The following RBMS3 variants were observed in gnomAD, a reference collection of about 807,000 sequenced individuals.
The protein encoded by RBMS3 is RNA binding motif single stranded interacting protein 3.
RBMS3 carries 27 observed loss-of-function variants against 66.8 expected under a neutral mutation model. The ratio of observed to expected loss-of-function variants is 0.40; its 90% CI spans 0.30 to 0.56. The LOEUF is 0.56. RBMS3 is among the 20% of genes least tolerant of loss of function. RBMS3 has a pLI of 0.40. For synonymous variants in RBMS3, 188 were observed against 183.0 expected (o/e 1.03, Z -0.22); for missense variants, 513 against 549.5 (o/e 0.93, Z 0.66).
At chr3:29,364,575 A>G (rs1027845381) in intron 1 of RBMS3, among the ~76,000 whole-genome samples, 2 of 152,188 alleles carry the variant, frequency 1.3e-5, no homozygotes, top group African/African-American at 4.8e-5. Context: ...GCAGCAAAAC[A>G]TCATAGATAG....
chr3:29,670,341 C>T (rs768299951), intron 4 of RBMS3, among the ~76,000 whole-genome samples: 32 of 152,266 alleles, frequency 2.1e-4, no homozygotes, highest in Middle Eastern at 3.4e-3. Flanking sequence ...GCATGAGCGA[C>T]GCAGAAGACG....
chr3:29,768,796 C>A (rs1364403903), intron 6 of RBMS3, among the ~76,000 whole-genome samples: 1 of 151,912 alleles, frequency 6.6e-6, no homozygotes, highest in Admixed American at 6.6e-5. Context: ...AGGTTATCTA[C>A]AGTGGTCACA....
chr3:29,895,607 T>C (rs376490936), intron 8 of RBMS3, among the ~76,000 whole-genome samples: 199 of 151,690 alleles, frequency 1.3e-3, no homozygotes, highest in African/African-American at 4.3e-3. Flanking sequence ...TGTTCCATTG[T>C]ATTGATGTGC....
chr3:29,644,739 C>A (rs901612241), intron 4 of RBMS3, among the ~76,000 whole-genome samples: 2 of 152,136 alleles, frequency 1.3e-5, no homozygotes, highest in African/African-American at 2.4e-5. Flanking sequence ...GTATTGATTG[C>A]ACAGGCGAAA....
intron 12 of RBMS3, among the ~76,000 whole-genome samples, chr3:29,972,299 A>T (rs1372597513): frequency 1.3e-5 from 2 of 152,040 alleles, no homozygotes; most frequent in Non-Finnish European, 2.9e-5. Flanking sequence ...ACTCACATGG[A>T]TAGAGTAGTA....
chr3:29,632,256 C>A (rs1317919905), intron 4 of RBMS3, among the ~76,000 whole-genome samples: 1 of 151,746 alleles, frequency 6.6e-6, no homozygotes, highest in Admixed American at 6.6e-5. Context: ...CATTTAAATA[C>A]CCAGTATGAG....
At chr3:29,700,266 A>G (rs937309257) in intron 4 of RBMS3, among the ~76,000 whole-genome samples, 4 of 152,212 alleles carry the variant, frequency 2.6e-5, no homozygotes, top group Non-Finnish European at 4.4e-5. Context: ...TTGCTGTGAT[A>G]AGCTAGAGAG....
At chr3:29,485,911 C>G (rs929247440) in intron 2 of RBMS3, among the ~76,000 whole-genome samples, 1 of 152,012 alleles carries the variant, frequency 6.6e-6, no homozygotes, top group African/African-American at 2.4e-5. Flanking sequence ...TGATCTAAAC[C>G]CTAAGAAGGG....
intron 8 of RBMS3, among the ~76,000 whole-genome samples, chr3:29,892,555 G>A: frequency 6.6e-6 from 1 of 151,470 alleles, no homozygotes; most frequent in Non-Finnish European, 1.5e-5. Flanking sequence ...TAGAACCACT[G>A]GGTTCAGTGT....
At chr3:29,381,212 A>G (rs1242672000) in intron 1 of RBMS3, among the ~76,000 whole-genome samples, 1 of 152,174 alleles carries the variant, frequency 6.6e-6, no homozygotes, top group Non-Finnish European at 1.5e-5. Flanking sequence ...ATTGGGTTCC[A>G]TAGTATGATA....
intron 4 of RBMS3, among the ~76,000 whole-genome samples, chr3:29,699,454 C>T (rs1177586890): frequency 1.3e-5 from 2 of 152,090 alleles, no homozygotes; most frequent in Admixed American, 6.6e-5. Flanking sequence ...TCCTGTGGAG[C>T]TATTTTCTAA....
intron 4 of RBMS3, among the ~76,000 whole-genome samples, chr3:29,632,527 G>A (rs2049321414): frequency 6.6e-6 from 1 of 151,812 alleles, no homozygotes; most frequent in African/African-American, 2.4e-5. Flanking sequence ...TTGGGCATTT[G>A]AGTATCTTGG....
intron 1 of RBMS3, among the ~76,000 whole-genome samples, chr3:29,290,252 A>C (rs1439116256): frequency 6.6e-6 from 1 of 151,858 alleles, no homozygotes; most frequent in African/African-American, 2.4e-5. Context: ...TTTTTTAACT[A>C]GTTTTGAGTA....
Position 29,988,206 on chromosome 3 carries a change from A to T in RBMS3, c.1162A>T (p.Thr388Ser). ...TCCTCAGTACACGCCTGTGCCTCCG[A>T]CAGCTGTTTCTATTGAAGTAAGTCT... ...YIPQYTPVPP[T>S]AVSIEGVVAD... Residue 388 changes from threonine to serine, a missense_variant, in exon 13 of 15, where the codon ACA (threonine) becomes TCA (serine). Coordinates refer to ENST00000383767, the MANE Select transcript of RBMS3 (RefSeq NM_001003793.3). 6.2e-7 allele frequency: 1 copy of T among 1,611,018 alleles called. No homozygotes were observed. Among genetic ancestry groups the T allele is most frequent in the Non-Finnish European group, 8.5e-7 (1 of 1,177,504 alleles).
chr3:29,732,291 G>A (rs1257855018), intron 4 of RBMS3, among the ~76,000 whole-genome samples: 1 of 152,144 alleles, frequency 6.6e-6, no homozygotes, highest in African/African-American at 2.4e-5. Flanking sequence ...GCAGTCAGAC[G>A]GGAGGAAGTC....
intron 2 of RBMS3, among the ~76,000 whole-genome samples, chr3:29,463,398 G>A (rs76808018): frequency 0.051 from 7,737 of 152,160 alleles, 363 homozygotes; most frequent in African/African-American, 0.12. Context: ...GAAGGTTGAG[G>A]TAAATATGTT....
At chr3:29,546,094 T>G (rs1022446533) in intron 3 of RBMS3, among the ~76,000 whole-genome samples, 1 of 147,990 alleles carries the variant, frequency 6.8e-6, no homozygotes, top group South Asian at 2.2e-4. Context: ...CTGGCACTGT[T>G]TGATGAGACG....
At chr3:29,622,336 T>C (rs2048895425) in intron 4 of RBMS3, among the ~76,000 whole-genome samples, 2 of 152,230 alleles carry the variant, frequency 1.3e-5, no homozygotes, top group Non-Finnish European at 1.5e-5. Flanking sequence ...GGTGATGTGA[T>C]ATTCCTGGAA....
chr3:29,918,960 C>T (rs1450710544), intron 10 of RBMS3, among the ~76,000 whole-genome samples: 2 of 151,836 alleles, frequency 1.3e-5, no homozygotes, highest in Admixed American at 6.6e-5. Flanking sequence ...ACTTGTAAAA[C>T]TAAAAAGTTA....
Sources: gnomAD v4.1 joint callset for allele counts (sites outside exome capture counted in the v4.1 genomes callset) on GRCh38, gnomAD v4.1.1 for gene constraint, MANE v1.5 for transcripts, NCBI Gene and HGNC (gene_info 2026-07-23, HGNC 2026-07-21) for gene names.